GABPB1: variants seen among roughly 807,000 people sequenced by gnomAD.
GABPB1 encodes GA binding protein transcription factor subunit beta 1.
GABPB1 carries 15 observed loss-of-function variants against 45.9 expected under a neutral mutation model. The ratio of observed to expected loss-of-function variants is 0.33; its 90% CI spans 0.22 to 0.50. The LOEUF (loss-of-function observed/expected upper bound fraction) is 0.50. GABPB1 is among the 20% of genes least tolerant of loss of function. The probability of loss-of-function intolerance (pLI) is 0.98; values close to 1 mark genes in which losing one functional copy is unlikely to be tolerated. For missense variants in GABPB1, 252 were observed against 457.5 expected (o/e 0.55, Z 4.10); for synonymous variants, 143 against 154.4 (o/e 0.93, Z 0.55).
At chr15:50,280,216 C>G (rs888183601) in intron 8 of GABPB1, among the ~76,000 whole-genome samples, 8 of 152,146 alleles carry the variant, frequency 5.3e-5, no homozygotes, top group Non-Finnish European at 8.8e-5. Flanking sequence ...CCCTATCCTG[C>G]TGCCTCCCAA....
At chr15:50,300,304 G>C (rs1386191050) in intron 6 of GABPB1, among the ~76,000 whole-genome samples, 1 of 152,064 alleles carries the variant, frequency 6.6e-6, no homozygotes. Context: ...ACTATAATCA[G>C]CTAGAGTTGA....
intron 1 of GABPB1, among the ~76,000 whole-genome samples, chr15:50,337,573 G>A (rs2048195159): frequency 6.6e-6 from 1 of 151,902 alleles, no homozygotes; most frequent in African/African-American, 2.4e-5. Context: ...AGACCAGCCT[G>A]GACAACATGA....
At chr15:50,324,197 T>G (rs1368372591) in intron 1 of GABPB1, among the ~76,000 whole-genome samples, 1 of 126,326 alleles carries the variant, frequency 7.9e-6, no homozygotes, top group Non-Finnish European at 1.7e-5. Context: ...GAATAAGACC[T>G]CATCTCAAAA....
chr15:50,326,808 T>G (rs2141113729), intron 1 of GABPB1, among the ~76,000 whole-genome samples: 1 of 151,012 alleles, frequency 6.6e-6, no homozygotes, highest in East Asian at 1.9e-4. Flanking sequence ...CACGCCAGCC[T>G]AGGCAAAAGA....
chr15:50,280,418 A>G (rs2045937037), intron 8 of GABPB1, among the ~76,000 whole-genome samples: 1 of 152,180 alleles, frequency 6.6e-6, no homozygotes, highest in Admixed American at 6.5e-5. Flanking sequence ...GCTAGACCAC[A>G]GCTCTGGCAG....
At chr15:50,346,592 T>TTG (rs1316086845) in intron 1 of GABPB1, among the ~76,000 whole-genome samples, 5 of 147,490 alleles carry the variant, frequency 3.4e-5, no homozygotes, top group Non-Finnish European at 7.5e-5. Flanking sequence ...AGAAAGTTTT[T>TTG]TTTTTTTTTT....
At chr15:50,329,685 T>C (rs1174891927) in intron 1 of GABPB1, among the ~76,000 whole-genome samples, 1 of 152,200 alleles carries the variant, frequency 6.6e-6, no homozygotes, top group Admixed American at 6.5e-5. Flanking sequence ...AAATTTACTA[T>C]AATTTTTGAA....
At chr15:50,290,291 G>A (rs900000912) in intron 6 of GABPB1, among the ~76,000 whole-genome samples, 1 of 151,988 alleles carries the variant, frequency 6.6e-6, no homozygotes, top group Non-Finnish European at 1.5e-5. Context: ...TATCTGTTTC[G>A]TAAAACCTCA....
intron 1 of GABPB1, among the ~76,000 whole-genome samples, chr15:50,338,739 G>A (rs557288130): frequency 7.9e-5 from 12 of 152,278 alleles, no homozygotes; most frequent in African/African-American, 2.9e-4. Flanking sequence ...AAAAGTGCCA[G>A]GATTACAGGC....
At chr15:50,315,551 G>C (rs2047294262) in intron 1 of GABPB1, among the ~76,000 whole-genome samples, 1 of 152,160 alleles carries the variant, frequency 6.6e-6, no homozygotes, top group African/African-American at 2.4e-5. Flanking sequence ...GATCAAGCAA[G>C]ACAAAAATCA....
chr15:50,284,982 T>C (rs945122465), intron 8 of GABPB1, among the ~76,000 whole-genome samples: 2 of 152,160 alleles, frequency 1.3e-5, no homozygotes, highest in Non-Finnish European at 2.9e-5. Context: ...ACCAGATTTT[T>C]TAAACTCAAT....
chr15:50,344,233 A>G (rs2048483294), intron 1 of GABPB1, among the ~76,000 whole-genome samples: 1 of 152,248 alleles, frequency 6.6e-6, no homozygotes, highest in African/African-American at 2.4e-5. Flanking sequence ...AGAAGAATAT[A>G]AAAAGGTTTG....
At chr15:50,353,333 G>C (rs526045) in intron 1 of GABPB1, 1 of 151,754 alleles carries the variant, frequency 6.6e-6, no homozygotes, top group African/African-American at 2.4e-5. Context: ...TTGCATAACA[G>C]CTTGATTTGA....
chr15:50,279,460 AAT>A (rs1474172830), intron 8 of GABPB1, among the ~76,000 whole-genome samples: 1 of 136,498 alleles, frequency 7.3e-6, no homozygotes, highest in Non-Finnish European at 1.7e-5. Context: ...AAACCAATAA[AAT>A]ACTAAATTAT....
chr15:50,309,658 A>T, intron 2 of GABPB1, 33 bp downstream of exon 2: 1 of 1,299,628 alleles, frequency 7.7e-7, no homozygotes, highest in Non-Finnish European at 1.1e-6. Context: ...ATGAGAAGGA[A>T]AAAGAACACA....
chr15:50,346,721 C>A (rs2048599822), intron 1 of GABPB1, among the ~76,000 whole-genome samples: 1 of 150,586 alleles, frequency 6.6e-6, no homozygotes, highest in Non-Finnish European at 1.5e-5. Flanking sequence ...TGGTAAGGGC[C>A]AGCTTCTAGA....
chr15:50,317,625 T>C (rs1290981946), intron 1 of GABPB1, among the ~76,000 whole-genome samples: 4 of 151,922 alleles, frequency 2.6e-5, no homozygotes, highest in East Asian at 3.9e-4. Flanking sequence ...CATTAGATAT[T>C]GAGGCTGGGC....
At chr15:50,328,520 CA>C (rs1394054646) in intron 1 of GABPB1, among the ~76,000 whole-genome samples, 1 of 152,206 alleles carries the variant, frequency 6.6e-6, no homozygotes, top group East Asian at 1.9e-4. Flanking sequence ...ATATTTTAGA[CA>C]AAAAATGTCA....
chr15:50,353,455 A>G (rs2048937592), intron 1 of GABPB1: 1 of 152,144 alleles, frequency 6.6e-6, no homozygotes, highest in African/African-American at 2.4e-5. Context: ...TGTGCTAACC[A>G]CAACAGTCTG....
Sources: allele counts gnomAD v4.1 joint callset (sites outside exome capture counted in the v4.1 genomes callset), GRCh38; gene constraint gnomAD v4.1.1; transcripts MANE v1.5; gene names NCBI Gene and HGNC (gene_info 2026-07-23, HGNC 2026-07-21).